The following SHOC1 variants were observed in gnomAD, a reference collection of about 807,000 sequenced individuals.
SHOC1 encodes shortage in chiasmata 1, also known as protein shortage in chiasmata 1 ortholog.
Under a neutral mutation model 179.2 loss-of-function variants are expected in SHOC1, and 136 were observed. The ratio of observed to expected loss-of-function variants is 0.76; its 90% CI spans 0.66 to 0.87. The LOEUF is 0.87. Among genes scored for constraint, SHOC1 ranks in the 40% least tolerant of loss-of-function variants. SHOC1 has a pLI of 0.00. For synonymous variants in SHOC1, 489 were observed against 586.6 expected (o/e 0.83, Z 2.41); for missense variants, 1,538 against 1,700.8 (o/e 0.90, Z 1.68).
chr9:111,780,472 A>T (rs1835996020), intron 4 of SHOC1, among the ~76,000 whole-genome samples: 1 of 152,032 alleles, frequency 6.6e-6, no homozygotes, highest in African/African-American at 2.4e-5. Context: ...TCTTTATAAA[A>T]CTCTATTCTT....
Position 111,703,974 on chromosome 9 carries a change from T to C in SHOC1, c.2874A>G (p.Val958=). 6.3e-7 allele frequency: 1 copy of C among 1,584,574 alleles called. No individual in the cohort carries two copies. Among genetic ancestry groups the C allele is most frequent in the Non-Finnish European group, 8.6e-7 (1 of 1,159,116 alleles). ...LLESNYNISL[V]ERGCSESLKL... is the part of the protein sequence containing the mutation. ...TCAATGACTCACTGCAGCCTCTCTC[T>C]ACTAGTGAGATGTTATAGCTGTAAA... is the stretch of plus-strand genomic sequence containing the variant. The change falls in exon 22 of 28, where the codon GTA becomes GTG. Residue 958 remains valine, a synonymous_variant. Transcript: ENST00000682961.
chr9:111,768,641 T>C (rs1354959601), intron 5 of SHOC1, among the ~76,000 whole-genome samples: 2 of 152,166 alleles, frequency 1.3e-5, no homozygotes, highest in Non-Finnish European at 2.9e-5. Flanking sequence ...AGGGGTAACA[T>C]GTGTTACATG....
At chr9:111,689,296 T>C (rs1831316951) in intron 27 of SHOC1, among the ~76,000 whole-genome samples, 1 of 150,228 alleles carries the variant, frequency 6.7e-6, no homozygotes, top group Non-Finnish European at 1.5e-5. Flanking sequence ...GGAGGAGGGA[T>C]GATTCAGCCT....
chr9:111,714,356 C>T (rs753250572), intron 17 of SHOC1, 89 bp downstream of exon 17: 40 of 1,382,650 alleles, frequency 2.9e-5, no homozygotes, highest in Non-Finnish European at 4.0e-5. Context: ...TAGACTACTT[C>T]ATAATTTTAA....
intron 26 of SHOC1, among the ~76,000 whole-genome samples, chr9:111,693,372 G>A (rs1023288098): frequency 1.4e-5 from 2 of 145,576 alleles, no homozygotes; most frequent in Non-Finnish European, 3.0e-5. Flanking sequence ...ATCACCTGAG[G>A]TCAGGAGTTT....
At chr9:111,793,693 T>TA (rs1836525225) in intron 1 of SHOC1, among the ~76,000 whole-genome samples, 3 of 132,090 alleles carry the variant, frequency 2.3e-5, no homozygotes, top group Admixed American at 1.5e-4. Context: ...TTTTTTTTTT[T>TA]ACCTTTTTCT....
chr9:111,729,296 C>T (rs1833460353), intron 12 of SHOC1, among the ~76,000 whole-genome samples: 1 of 149,654 alleles, frequency 6.7e-6, no homozygotes, highest in Non-Finnish European at 1.5e-5. Context: ...TTAGGAGAGA[C>T]AAAGTTTTGC....
chr9:111,749,677 C>T (rs773561776), intron 8 of SHOC1, among the ~76,000 whole-genome samples: 3 of 152,136 alleles, frequency 2.0e-5, no homozygotes, highest in African/African-American at 4.8e-5. Flanking sequence ...CCTCCCCCTA[C>T]ATCACCCCCG....
intron 27 of SHOC1, 56 bp from the exon 28 acceptor site, chr9:111,686,926 G>GT (rs1831194456): frequency 3.1e-6 from 3 of 959,056 alleles, no homozygotes; most frequent in Non-Finnish European, 4.6e-6. Flanking sequence ...TAAAGTATAG[G>GT]TTTTTTCTTT....
At chr9:111,794,381 C>A (rs1382388975) in intron 1 of SHOC1, among the ~76,000 whole-genome samples, 1 of 151,486 alleles carries the variant, frequency 6.6e-6, no homozygotes, top group South Asian at 2.1e-4. Flanking sequence ...GTCAGGAGTT[C>A]GAGACCAGCC....
At chr9:111,729,270 A>C (rs191278062) in intron 12 of SHOC1, among the ~76,000 whole-genome samples, 1 of 151,998 alleles carries the variant, frequency 6.6e-6, no homozygotes, top group Admixed American at 6.6e-5. Flanking sequence ...CCAGGCTTTT[A>C]TTTTTATTTT....
intron 24 of SHOC1, among the ~76,000 whole-genome samples, chr9:111,697,994 G>A (rs111288210): frequency 0.014 from 2,125 of 152,308 alleles, 49 homozygotes; most frequent in African/African-American, 0.048. Flanking sequence ...GTCTTCTTTT[G>A]AGAAGTGTCT....
At chr9:111,768,268 C>G (rs936019720) in intron 5 of SHOC1, among the ~76,000 whole-genome samples, 1 of 151,498 alleles carries the variant, frequency 6.6e-6, no homozygotes, top group African/African-American at 2.4e-5. Context: ...CTCTGTCACC[C>G]AGGCTGGAGT....
At chr9:111,746,134 TCATAGAGG>T in intron 10 of SHOC1, 92 bp downstream of exon 10, 1 of 673,922 alleles carries the variant, frequency 1.5e-6, no homozygotes, top group Non-Finnish European at 2.5e-6. Context: ...TTAAATTTTT[TCATAGAGG>T]TATCTTGGAA....
At chr9:111,765,485 G>C (rs1835313528) in intron 5 of SHOC1, among the ~76,000 whole-genome samples, 1 of 151,794 alleles carries the variant, frequency 6.6e-6, no homozygotes. Flanking sequence ...AGCTACTCGG[G>C]AGGCTGAGGC....
rs1316443803 is a variant in SHOC1, at chr9:111,738,267, G to A, written c.1417+13C>T. On this transcript the variant is annotated intron_variant, in intron 12 of 27. Coordinates refer to ENST00000682961, the MANE Select transcript of SHOC1 (RefSeq NM_001378211.1). Reference sequence around the variant, plus strand: ...AATGTTTACATAACTAATATTTACTGTGATGTACTTACATTCTAATTGAAG... The same window carrying A: ...AATGTTTACATAACTAATATTTACTATGATGTACTTACATTCTAATTGAAG... 1 of 1,596,034 alleles carries A rather than the reference G, an allele frequency of 6.3e-7. No homozygotes were observed. The highest frequency in any genetic ancestry group is 2.2e-5 in the East Asian group (1 of 44,464).
chr9:111,691,723 G>C lies in SHOC1; in HGVS notation c.4254C>G (p.Phe1418Leu). 6.2e-7 allele frequency: 1 copy of C among 1,614,000 alleles called. No homozygotes were observed. The highest frequency in any genetic ancestry group is 8.5e-7 in the Non-Finnish European group (1 of 1,179,944). Reference sequence around the variant, plus strand: ...TGGGGACAGATGGTAATTCTCTCCAGAAAGTCTCATCTTTTGAACTTTCAC... The same window carrying C: ...TGGGGACAGATGGTAATTCTCTCCACAAAGTCTCATCTTTTGAACTTTCAC... ...LTCESSKDET[F>L]WRELPSVPSL... Residue 1418 changes from phenylalanine (F) to leucine (L), a missense_variant, in exon 27 of 28, where the codon TTC becomes TTG. Transcript: ENST00000682961.
chr9:111,687,755 C>CT (rs11338309), intron 27 of SHOC1, among the ~76,000 whole-genome samples: 10 of 136,950 alleles, frequency 7.3e-5, no homozygotes, highest in Non-Finnish European at 1.1e-4. Flanking sequence ...TCTTCTTCTT[C>CT]TTTTTTTTTT....
At position 111,706,656 on chromosome 9, in the gene SHOC1, C is replaced by G. The variant is rs2131360110; in HGVS notation, c.2649G>C (p.Val883=). The part of the protein sequence containing the change: ...NFSFVVEYNY[V]EDSCWTKHCK... The stretch of plus-strand genomic sequence containing the variant: ...AGTGTTTAGTCCAACAAGAGTCTTC[C>G]ACATAATTGTATTCCACCACAAATG... The change falls in exon 20 of 28, where the codon GTG becomes GTC. Residue 883 remains valine (V), a synonymous_variant. Transcript: ENST00000682961. 4.4e-6 allele frequency: 7 copies of G among 1,608,956 alleles called. 1 individual carries two copies. The Middle Eastern group carries it at 9.9e-4, about 228-fold the overall frequency.
Sources: gnomAD v4.1 joint callset for allele counts (sites outside exome capture counted in the v4.1 genomes callset) on GRCh38, gnomAD v4.1.1 for gene constraint, MANE v1.5 for transcripts, NCBI Gene and HGNC (gene_info 2026-07-23, HGNC 2026-07-21) for gene names.